The following CDH6 variants were observed in gnomAD, a reference collection of about 807,000 sequenced individuals.
CDH6 encodes the protein cadherin 6, also known as cadherin-6.
CDH6 carries 31 observed loss-of-function variants against 78.0 expected under a neutral mutation model. That is an observed-to-expected ratio of 0.40 (90% CI 0.30 to 0.54). The LOEUF (loss-of-function observed/expected upper bound fraction) is 0.54. CDH6 is among the 20% of genes least tolerant of loss of function. The pLI, the probability that CDH6 is intolerant of heterozygous loss-of-function variation, is 0.56. For missense variants in CDH6, 724 were observed against 975.9 expected, an observed-to-expected ratio of 0.74 and a Z score of 3.44; for synonymous variants, 376 against 368.8, an observed-to-expected ratio of 1.02 and a Z score of -0.23.
chr5:31,274,286 C>G (rs12658674), intron 2 of CDH6, among the ~76,000 whole-genome samples: 52,232 of 152,094 alleles, frequency 0.34, 9,154 homozygotes, highest in Admixed American at 0.38. Context: ...AAAACGTCTT[C>G]TATAGCAGCA....
At chr5:31,322,775 A>G in intron 11 of CDH6, 43 bp from the exon 12 acceptor site, 1 of 1,572,040 alleles carries the variant, frequency 6.4e-7, no homozygotes, top group Non-Finnish European at 8.6e-7. Context: ...TTGGGCAGCA[A>G]ATTAACTTTT....
intron 9 of CDH6, 116 bp from the exon 10 acceptor site, chr5:31,317,259 C>G: frequency 1.6e-6 from 1 of 631,066 alleles, no homozygotes; most frequent in Non-Finnish European, 2.8e-6. Context: ...TACTTAAAGG[C>G]TATCATTTTT....
chr5:31,211,594 T>C (rs547251459), intron 1 of CDH6, among the ~76,000 whole-genome samples: 31 of 152,246 alleles, frequency 2.0e-4, no homozygotes, highest in Middle Eastern at 6.8e-3. Flanking sequence ...AAATATAAAA[T>C]GAAAAGCCAA....
At chr5:31,199,765 C>T (rs1324566557) in intron 1 of CDH6, among the ~76,000 whole-genome samples, 2 of 141,184 alleles carry the variant, frequency 1.4e-5, no homozygotes, top group East Asian at 4.4e-4. Context: ...AACTTTTATA[C>T]ATCCAAATAA....
At chr5:31,231,951 A>G (rs564278196) in intron 1 of CDH6, among the ~76,000 whole-genome samples, 33 of 152,216 alleles carry the variant, frequency 2.2e-4, no homozygotes, top group Non-Finnish European at 4.7e-4. Flanking sequence ...TAAGCCTACT[A>G]TAATTATGTT....
chr5:31,215,759 TA>T (rs1447423848), intron 1 of CDH6, among the ~76,000 whole-genome samples: 7 of 152,110 alleles, frequency 4.6e-5, no homozygotes, highest in African/African-American at 1.4e-4. Flanking sequence ...CTCCTAACAT[TA>T]TTAGGAAGAT....
At chr5:31,210,086 G>GTGTA (rs1336053671) in intron 1 of CDH6, among the ~76,000 whole-genome samples, 5 of 151,520 alleles carry the variant, frequency 3.3e-5, no homozygotes, top group Non-Finnish European at 7.4e-5. Flanking sequence ...TTGTGTGTGT[G>GTGTA]TGTGTGTGTG....
At chr5:31,284,660 C>T (rs1742966479) in intron 2 of CDH6, among the ~76,000 whole-genome samples, 1 of 152,174 alleles carries the variant, frequency 6.6e-6, no homozygotes, top group Non-Finnish European at 1.5e-5. Flanking sequence ...AGCCAGACCT[C>T]GAGGGCAGTA....
intron 2 of CDH6, 90 bp downstream of exon 2, chr5:31,267,791 C>T (rs1401261920): frequency 1.1e-6 from 1 of 940,902 alleles, no homozygotes; most frequent in Non-Finnish European, 1.7e-6. Context: ...TGTACTATTC[C>T]CCAATATAGT....
intron 2 of CDH6, among the ~76,000 whole-genome samples, chr5:31,284,958 A>G (rs947089209): frequency 2.0e-5 from 3 of 152,216 alleles, no homozygotes; most frequent in African/African-American, 7.2e-5. Context: ...AAAGACTGGG[A>G]TTTATCCTAA....
intron 2 of CDH6, among the ~76,000 whole-genome samples, chr5:31,287,124 T>A (rs1391624829): frequency 6.6e-6 from 1 of 152,076 alleles, no homozygotes; most frequent in Non-Finnish European, 1.5e-5. Context: ...ACAGATAGAT[T>A]TAGGCACTGA....
At chr5:31,202,369 T>C (rs1740377340) in intron 1 of CDH6, among the ~76,000 whole-genome samples, 1 of 152,180 alleles carries the variant, frequency 6.6e-6, no homozygotes. Flanking sequence ...GCATGGTGGC[T>C]CATGCCTCTA....
At chr5:31,239,349 A>G (rs1741535713) in intron 1 of CDH6, among the ~76,000 whole-genome samples, 1 of 152,180 alleles carries the variant, frequency 6.6e-6, no homozygotes, top group African/African-American at 2.4e-5. Context: ...TCAAGTTCAG[A>G]CTTATTTTAT....
intron 2 of CDH6, among the ~76,000 whole-genome samples, chr5:31,279,826 G>A (rs1274059719): frequency 6.6e-6 from 1 of 152,114 alleles, no homozygotes; most frequent in Non-Finnish European, 1.5e-5. Context: ...TTCTTATGCT[G>A]TTTGTGCCTT....
At chr5:31,277,119 AG>A (rs1474353066) in intron 2 of CDH6, among the ~76,000 whole-genome samples, 4 of 152,354 alleles carry the variant, frequency 2.6e-5, no homozygotes, top group Middle Eastern at 3.4e-3. Context: ...TCGGGGCATG[AG>A]TTTATATAAA....
chr5:31,317,955 C>G, intron 11 of CDH6, 31 bp downstream of exon 11: 1 of 1,606,786 alleles, frequency 6.2e-7, no homozygotes, highest in Non-Finnish European at 8.5e-7. Context: ...TCCTATCTCC[C>G]CATGGTGAGG....
At position 31,303,895 on chromosome 5, in the gene CDH6, T is replaced by C. The variant is rs542528564; in HGVS notation, c.1000-1279T>C. Among the ~76,000 whole-genome samples the C allele has an allele frequency of 5.3e-5, 8 of 152,322 alleles. No homozygotes were observed. The East Asian group carries it at 1.5e-3, about 29-fold the overall frequency. On this transcript the variant is annotated intron_variant, in intron 6 of 11. Coordinates refer to ENST00000265071, the MANE Select transcript of CDH6 (RefSeq NM_004932.4). ...ATTAGTGTGCATTAACCTTTTTAAT[T>C]TTCTTGGTGCCTTATCAGATTCGAA...
At chr5:31,313,589 GT>G (rs1174608366) in intron 8 of CDH6, 135 bp downstream of exon 8, 1 of 773,442 alleles carries the variant, frequency 1.3e-6, no homozygotes, top group Non-Finnish European at 2.0e-6. Flanking sequence ...CCCTGGAGTG[GT>G]TTGCAGTAAT....
chr5:31,259,147 T>A (rs1742141549), intron 1 of CDH6, among the ~76,000 whole-genome samples: 1 of 152,198 alleles, frequency 6.6e-6, no homozygotes, highest in Admixed American at 6.5e-5. Flanking sequence ...TAACCAGTAT[T>A]ATTATTTATG....
Sources: gnomAD v4.1 joint callset for allele counts (sites outside exome capture counted in the v4.1 genomes callset) on GRCh38, gnomAD v4.1.1 for gene constraint, MANE v1.5 for transcripts, NCBI Gene and HGNC (gene_info 2026-07-23, HGNC 2026-07-21) for gene names.